The following EEA1 variants were observed in gnomAD, a reference collection of about 807,000 sequenced individuals.
The protein encoded by EEA1 is early endosome antigen 1, 162kD.
A neutral mutation model predicts 209.2 loss-of-function variants in EEA1; 111 were observed. The ratio of observed to expected loss-of-function variants is 0.53; its 90% CI spans 0.45 to 0.62. EEA1 has a LOEUF of 0.62. EEA1 is among the 20% of genes least tolerant of loss of function. The pLI, the probability that EEA1 is intolerant of heterozygous loss-of-function variation, is 0.00. For synonymous variants in EEA1, 536 were observed against 540.6 expected, an observed-to-expected ratio of 0.99 and a Z score of 0.12; for missense variants, 1,343 against 1,530.8, an observed-to-expected ratio of 0.88 and a Z score of 2.05.
At chr12:92,858,345 C>T (rs566254143) in intron 3 of EEA1, 1 of 829,708 alleles carries the variant, frequency 1.2e-6, no homozygotes. Flanking sequence ...AGCTATTAAA[C>T]ACATTGGATA....
intron 18 of EEA1, among the ~76,000 whole-genome samples, chr12:92,805,053 T>C (rs1018839970): frequency 2.0e-5 from 3 of 152,060 alleles, no homozygotes; most frequent in Non-Finnish European, 2.9e-5. Context: ...TGAAAATGGG[T>C]CCACTTCCAT....
intron 1 of EEA1, among the ~76,000 whole-genome samples, chr12:92,908,370 T>A (rs1300946047): frequency 1.3e-5 from 2 of 152,168 alleles, no homozygotes; most frequent in Non-Finnish European, 2.9e-5. Flanking sequence ...GGAGTTTAGT[T>A]GTAATGATTG....
At chr12:92,776,186 A>G (rs1592695852) in intron 28 of EEA1, 53 bp from the exon 29 acceptor site, 1 of 1,530,854 alleles carries the variant, frequency 6.5e-7, no homozygotes, top group Non-Finnish European at 8.8e-7. Flanking sequence ...TACCAAAAGT[A>G]TTATGAAACT....
intron 21 of EEA1, among the ~76,000 whole-genome samples, chr12:92,790,954 G>C (rs578254156): frequency 6.6e-6 from 1 of 152,232 alleles, no homozygotes; most frequent in Non-Finnish European, 1.5e-5. Flanking sequence ...CCAGAAGAGA[G>C]TGGGGGCCAA....
chr12:92,792,191 C>G (rs963659497), intron 21 of EEA1, among the ~76,000 whole-genome samples: 3 of 152,004 alleles, frequency 2.0e-5, no homozygotes, highest in Non-Finnish European at 2.9e-5. Context: ...AAAATCGACA[C>G]CCTAACATCA....
At chr12:92,865,280 A>G (rs1014882435) in intron 2 of EEA1, among the ~76,000 whole-genome samples, 6 of 152,092 alleles carry the variant, frequency 3.9e-5, no homozygotes, top group Non-Finnish European at 8.8e-5. Context: ...GTTCTAATAT[A>G]GATTAGTTGA....
chr12:92,836,493 A>G (rs772645254), intron 10 of EEA1, among the ~76,000 whole-genome samples: 1 of 152,204 alleles, frequency 6.6e-6, no homozygotes, highest in African/African-American at 2.4e-5. Flanking sequence ...AATGCTTCAT[A>G]GCTTACAAAG....
At chr12:92,829,637 GGT>G (rs1876513645) in intron 11 of EEA1, among the ~76,000 whole-genome samples, 2 of 152,034 alleles carry the variant, frequency 1.3e-5, no homozygotes, top group Admixed American at 6.5e-5. Flanking sequence ...AAGTCAGTCA[GGT>G]GTGGTAGCAT....
rs1262347748 is a variant in EEA1 at position 92,869,583 on chromosome 12, A to G, written c.118-4596T>C. On this transcript the variant is annotated intron_variant, in intron 2 of 28. Transcript: ENST00000322349. ...ACATGGTGAAACCCCATCTCTACTT[A>G]AAAAAAAAAAAAAATACAAAAAATT... 5.8e-5 allele frequency among the ~76,000 whole-genome samples: 8 copies of G among 138,302 alleles called. No homozygotes were observed. In the South Asian group the frequency reaches 9.3e-4, roughly 16 times the overall value. The allele number at this position is 138,302 out of a possible 152,430, so 90.7% of individuals were successfully genotyped here. A position where few individuals can be genotyped will look rare whatever the true frequency, so the allele number is the denominator to read the frequency against.
At chr12:92,874,683 A>G (rs561714517) in intron 2 of EEA1, among the ~76,000 whole-genome samples, 1 of 152,338 alleles carries the variant, frequency 6.6e-6, no homozygotes, top group South Asian at 2.1e-4. Flanking sequence ...TATTGCCACC[A>G]TAGCTTTAGG....
intron 1 of EEA1, among the ~76,000 whole-genome samples, chr12:92,902,916 C>T (rs1478187937): frequency 6.6e-6 from 1 of 150,684 alleles, no homozygotes; most frequent in Non-Finnish European, 1.5e-5. Context: ...AACTAAACTA[C>T]GACGTAACTG....
At chr12:92,809,219 T>C (rs972661134) in intron 17 of EEA1, 63 bp from the exon 18 acceptor site, 20 of 1,250,314 alleles carry the variant, frequency 1.6e-5, no homozygotes, top group Middle Eastern at 5.3e-4. Flanking sequence ...TATTATTAAA[T>C]ACTATAACAT....
In EEA1 at chr12:92,778,032, C is replaced by G. The variant is rs373617674; in HGVS notation, c.3802G>C (p.Glu1268Gln). Reference sequence around the variant, plus strand: ...CCCCGTAAGTCATCCGTTTGTTTCTCAAGCTCACTAACTCTCCGTTGACTA... The same window carrying G: ...CCCCGTAAGTCATCCGTTTGTTTCTGAAGCTCACTAACTCTCCGTTGACTA... ...QSSQRRVSEL[E>Q]KQTDDLRGEI... Residue 1268 changes from glutamate to glutamine, a missense_variant, in exon 26 of 29, where the codon GAG becomes CAG. Around this residue, in one of 3 missense-constraint regions of EEA1, gnomAD observed 1,307 missense variants for 1,465.5 expected, o/e 0.89. Coordinates refer to ENST00000322349, the MANE Select transcript of EEA1 (RefSeq NM_003566.4). 6.2e-7 allele frequency: 1 copy of G among 1,613,582 alleles called. No homozygotes were observed. The highest frequency in any genetic ancestry group is 8.5e-7 in the Non-Finnish European group (1 of 1,179,616).
intron 2 of EEA1, among the ~76,000 whole-genome samples, chr12:92,877,843 C>T (rs1878979866): frequency 6.6e-6 from 1 of 152,196 alleles, no homozygotes; most frequent in Non-Finnish European, 1.5e-5. Flanking sequence ...GCCACAAATG[C>T]AGGGCCTTAT....
intron 21 of EEA1, among the ~76,000 whole-genome samples, chr12:92,795,004 G>T (rs577317374): frequency 5.3e-5 from 8 of 152,226 alleles, no homozygotes; most frequent in African/African-American, 1.9e-4. Flanking sequence ...AAGTCCTGAT[G>T]ATGCAACTTC....
intron 18 of EEA1, among the ~76,000 whole-genome samples, chr12:92,805,920 C>T (rs925660587): frequency 2.0e-5 from 3 of 152,020 alleles, no homozygotes; most frequent in African/African-American, 7.2e-5. Context: ...CACTTTAGTG[C>T]AAATTAGAAA....
At chr12:92,854,474 TCTC>T (rs1350551075) in intron 5 of EEA1, among the ~76,000 whole-genome samples, 1 of 152,128 alleles carries the variant, frequency 6.6e-6, no homozygotes, top group Admixed American at 6.5e-5. Context: ...GGAATGAACT[TCTC>T]CTCTCTTCAG....
At chr12:92,794,110 C>G (rs775117440) in intron 21 of EEA1, among the ~76,000 whole-genome samples, 10 of 152,114 alleles carry the variant, frequency 6.6e-5, no homozygotes, top group Admixed American at 3.3e-4. Flanking sequence ...ATCTATGCAG[C>G]CAACAGACAC....
At chr12:92,828,596 T>A (rs1052800933) in intron 11 of EEA1, among the ~76,000 whole-genome samples, 1 of 145,794 alleles carries the variant, frequency 6.9e-6, no homozygotes, top group South Asian at 2.1e-4. Context: ...TATATAGATA[T>A]ATATATGTGT....
Sources: gnomAD v4.1 joint callset for allele counts (sites outside exome capture counted in the v4.1 genomes callset) on GRCh38, gnomAD v4.1.1 for gene constraint, gnomAD v4.1.1 regional missense constraint, MANE v1.5 for transcripts, NCBI Gene and HGNC (gene_info 2026-07-23, HGNC 2026-07-21) for gene names.